SLC75A1: variants seen among roughly 807,000 people sequenced by gnomAD.
The protein encoded by SLC75A1 is solute carrier family 75 member 1, also known as major facilitator superfamily domain containing 10.
the SLC75A1 span, chr4:2,933,586 G>C: frequency 1.2e-6 from 2 of 1,613,818 alleles, no homozygotes; most frequent in Non-Finnish European, 1.7e-6. Context: ...GGACACTGTT[G>C]TACCTCTTCT....
At chr4:2,934,232 T>C in the SLC75A1 span, 1 of 355,772 alleles carries the variant, frequency 2.8e-6, no homozygotes, top group Non-Finnish European at 5.1e-6. Context: ...CGGCCGCGCC[T>C]CCCACGCCCT....
At chr4:2,930,892 G>A in the SLC75A1 span, 11 of 1,612,980 alleles carry the variant, frequency 6.8e-6, no homozygotes, top group Non-Finnish European at 8.5e-6. Context: ...GGAGGAAGAA[G>A]GGGAGCAAAA....
chr4:2,930,857 T>A, the SLC75A1 span: 1 of 1,613,074 alleles, frequency 6.2e-7, no homozygotes, highest in Non-Finnish European at 8.5e-7. Context: ...CTTGAGCGTC[T>A]GTGCCGGGTA....
the SLC75A1 span, chr4:2,932,919 G>A: frequency 9.2e-7 from 1 of 1,091,014 alleles, no homozygotes; most frequent in Non-Finnish European, 1.3e-6. Flanking sequence ...GCCAGGAGCA[G>A]CTCCTTGAAA....
the SLC75A1 span, chr4:2,933,214 G>A: frequency 1.6e-5 from 26 of 1,613,098 alleles, no homozygotes; most frequent in Non-Finnish European, 2.2e-5. Flanking sequence ...TGAGACCTGA[G>A]AGACAGATGT....
chr4:2,932,454 G>T, the SLC75A1 span: 1 of 1,613,784 alleles, frequency 6.2e-7, no homozygotes, highest in South Asian at 1.1e-5. Context: ...CAGGGGCAGG[G>T]AGGCTCCGAG....
chr4:2,930,591 A>G, the SLC75A1 span: 1 of 568,708 alleles, frequency 1.8e-6, no homozygotes, highest in Non-Finnish European at 3.1e-6. Context: ...GCTTTATTTC[A>G]TCATCAGAAA....
At chr4:2,931,450 CCAG>C in the SLC75A1 span, 15 of 1,566,994 alleles carry the variant, frequency 9.6e-6, no homozygotes, top group South Asian at 1.7e-4. Context: ...AAGGCGGGCA[CCAG>C]CAGCAGGAGG....
chr4:2,933,858 G>T, the SLC75A1 span: 4 of 1,585,968 alleles, frequency 2.5e-6, no homozygotes, highest in Non-Finnish European at 3.4e-6. Context: ...TGACCACGCG[G>T]CGCTCCGGCG....
the SLC75A1 span, chr4:2,931,575 C>G: frequency 1.3e-5 from 21 of 1,612,834 alleles, no homozygotes; most frequent in Admixed American, 3.2e-4. Flanking sequence ...GCAGCAACTT[C>G]CCCGCCAGGG....
At chr4:2,932,262 A>G in the SLC75A1 span, 3 of 1,551,954 alleles carry the variant, frequency 1.9e-6, no homozygotes, top group Non-Finnish European at 2.6e-6. Flanking sequence ...CCTCCCTGGC[A>G]TCTGGGGCTG....
chr4:2,931,362 C>T, the SLC75A1 span: 9 of 1,547,176 alleles, frequency 5.8e-6, no homozygotes, highest in African/African-American at 1.1e-4. Context: ...CCTGCCAGGG[C>T]AGGGCCACTC....
the SLC75A1 span, chr4:2,932,358 T>C: frequency 6.2e-7 from 1 of 1,612,736 alleles, no homozygotes; most frequent in Non-Finnish European, 8.5e-7. Flanking sequence ...TACCCGTTTC[T>C]CCAGGGGCAG....
the SLC75A1 span, chr4:2,932,149 G>A: frequency 1.9e-6 from 3 of 1,604,648 alleles, no homozygotes; most frequent in Non-Finnish European, 2.5e-6. Context: ...GGCGATAGAG[G>A]GCGCCTGTGG....
At chr4:2,930,589 T>C in the SLC75A1 span, 1 of 566,598 alleles carries the variant, frequency 1.8e-6, no homozygotes, top group Non-Finnish European at 3.1e-6. Flanking sequence ...GTGCTTTATT[T>C]CATCATCAGA....
chr4:2,930,645 T>C, the SLC75A1 span: 1 of 617,762 alleles, frequency 1.6e-6, no homozygotes, highest in Non-Finnish European at 2.9e-6. Context: ...CTGACAGCCT[T>C]GGAGTGCTGC....
At chr4:2,931,444 C>T in the SLC75A1 span, 12 of 1,563,070 alleles carry the variant, frequency 7.7e-6, no homozygotes, top group South Asian at 4.7e-5. Context: ...AGGAGGAAGG[C>T]GGGCACCAGC....
the SLC75A1 span, chr4:2,933,563 A>G: frequency 3.8e-5 from 61 of 1,613,778 alleles, no homozygotes; most frequent in East Asian, 1.3e-3. Context: ...AGAGCCAGCC[A>G]TACCTCCGAA....
At chr4:2,931,436 G>A in the SLC75A1 span, 1 of 1,560,632 alleles carries the variant, frequency 6.4e-7, no homozygotes, top group Non-Finnish European at 8.7e-7. Flanking sequence ...AGCCGATGAG[G>A]AGGAAGGCGG....
Sources: gnomAD v4.1 joint callset for allele counts on GRCh38, gnomAD v4.1.1 for gene constraint, MANE v1.5 for transcripts, NCBI Gene and HGNC (gene_info 2026-07-23, HGNC 2026-07-21) for gene names.